ACOXL: variants seen among roughly 807,000 people sequenced by gnomAD.
The protein encoded by ACOXL is acyl-CoA oxidase like, also known as acyl-coenzyme A oxidase-like protein.
In ACOXL, 70 loss-of-function variants were observed where a neutral mutation model predicts 71.9. The observed-to-expected ratio is 0.97, with a 90% CI of 0.80 to 1.19. The LOEUF (loss-of-function observed/expected upper bound fraction) is 1.19, where lower values mean the gene tolerates loss of function less well. Ranked by LOEUF, ACOXL falls within the 50% of genes most tolerant of loss-of-function variation. The pLI, the probability that ACOXL is intolerant of heterozygous loss-of-function variation, is 0.00. For missense variants in ACOXL, 703 were observed against 736.3 expected, an observed-to-expected ratio of 0.95 and a Z score of 0.52; for synonymous variants, 253 against 281.6, an observed-to-expected ratio of 0.90 and a Z score of 1.02.
At chr2:110,754,278 G>T (rs1559219649) in intron 1 of ACOXL, among the ~76,000 whole-genome samples, 1 of 151,930 alleles carries the variant, frequency 6.6e-6, no homozygotes, top group Non-Finnish European at 1.5e-5. Flanking sequence ...TAGCTGTGTT[G>T]CTGGGCTGGT....
chr2:110,820,415 G>A (rs1037985120), intron 9 of ACOXL, among the ~76,000 whole-genome samples: 1 of 152,150 alleles, frequency 6.6e-6, no homozygotes, highest in African/African-American at 2.4e-5. Context: ...TTTCCTCACA[G>A]ACAGGAGGGA....
intron 1 of ACOXL, among the ~76,000 whole-genome samples, chr2:110,733,405 A>G (rs1416215973): frequency 1.3e-5 from 2 of 152,058 alleles, no homozygotes; most frequent in Non-Finnish European, 2.9e-5. Context: ...TGCACTGGAG[A>G]TAGAGAGATG....
At chr2:111,047,995 C>T (rs1000985055) in intron 15 of ACOXL, among the ~76,000 whole-genome samples, 1 of 152,250 alleles carries the variant, frequency 6.6e-6, no homozygotes, top group Non-Finnish European at 1.5e-5. Flanking sequence ...TTGAAAACTA[C>T]AAACAACCTA....
chr2:110,756,902 C>CT (rs58651376), intron 1 of ACOXL, among the ~76,000 whole-genome samples: 3,559 of 152,176 alleles, frequency 0.023, 66 homozygotes, highest in East Asian at 0.055. Context: ...TTTTCTTCAG[C>CT]TTTTTTTAAA....
At chr2:110,913,524 C>T (rs564512498) in intron 11 of ACOXL, among the ~76,000 whole-genome samples, 1 of 152,154 alleles carries the variant, frequency 6.6e-6, no homozygotes, top group South Asian at 2.1e-4. Flanking sequence ...TGGTATAATT[C>T]CATTGATATG....
At chr2:111,089,144 CA>C (rs1259752744) in intron 16 of ACOXL, among the ~76,000 whole-genome samples, 1 of 152,064 alleles carries the variant, frequency 6.6e-6, no homozygotes, top group East Asian at 1.9e-4. Flanking sequence ...ACTAAAAATA[CA>C]AAAACTTAGC....
In ACOXL at chr2:110,793,755, C is replaced by T. The variant is rs1292005585; in HGVS notation, c.246+19C>T. ...ACTCCAGGTATGGTATTTTCCTCAA[C>T]ATTGGTCTTCTATGGAGAGCCTTAA... On this transcript the variant is annotated intron_variant, in intron 4 of 17. Transcript: ENST00000439055. The T allele has an allele frequency of 6.3e-7, 1 of 1,596,676 alleles. No individual in the cohort carries two copies. Among genetic ancestry groups the T allele is most frequent in the Non-Finnish European group, 8.6e-7 (1 of 1,164,324 alleles).
At chr2:110,909,555 C>G (rs1444288589) in intron 11 of ACOXL, among the ~76,000 whole-genome samples, 2 of 152,118 alleles carry the variant, frequency 1.3e-5, no homozygotes, top group Non-Finnish European at 2.9e-5. Context: ...GAGCTCCAAA[C>G]TCTGGGCCCT....
intron 17 of ACOXL, chr2:111,093,617 C>CTGGG: frequency 7.0e-7 from 1 of 1,438,660 alleles, no homozygotes; most frequent in Non-Finnish European, 9.6e-7. Context: ...GTAATCCCAG[C>CTGGG]ACTATGGGAG....
chr2:110,860,907 G>C (rs904498269), intron 10 of ACOXL, among the ~76,000 whole-genome samples: 3 of 152,226 alleles, frequency 2.0e-5, no homozygotes, highest in Non-Finnish European at 2.9e-5. Context: ...ACAGATCGGA[G>C]TCCTGCTGGA....
At chr2:110,838,521 G>GCC (rs1690736709) in intron 9 of ACOXL, among the ~76,000 whole-genome samples, 2 of 152,202 alleles carry the variant, frequency 1.3e-5, no homozygotes, top group Admixed American at 1.3e-4. Context: ...AGATCACACA[G>GCC]TTGCCTCTAC....
chr2:110,879,715 G>A (rs112229734), intron 10 of ACOXL, among the ~76,000 whole-genome samples: 1 of 152,040 alleles, frequency 6.6e-6, no homozygotes, highest in South Asian at 2.1e-4. Flanking sequence ...CACTTAGGGC[G>A]TTTTTTTGCT....
At chr2:110,934,753 C>T (rs1216542335) in intron 12 of ACOXL, among the ~76,000 whole-genome samples, 2 of 152,072 alleles carry the variant, frequency 1.3e-5, no homozygotes, top group Non-Finnish European at 2.9e-5. Flanking sequence ...TGAAAGCTAG[C>T]ATGATCATTT....
At chr2:111,001,461 A>G (rs1415600172) in intron 14 of ACOXL, among the ~76,000 whole-genome samples, 3 of 152,208 alleles carry the variant, frequency 2.0e-5, no homozygotes, top group Admixed American at 6.5e-5. Context: ...AAAAGTCAGG[A>G]TGCCTCAGAG....
chr2:111,086,211 A>G (rs1012941272), intron 16 of ACOXL, among the ~76,000 whole-genome samples: 6 of 152,236 alleles, frequency 3.9e-5, no homozygotes, highest in Non-Finnish European at 8.8e-5. Context: ...AACTCATTCT[A>G]TGAGGCTGGC....
chr2:110,798,961 T>C (rs1234562584), intron 6 of ACOXL, 53 bp from the exon 7 acceptor site: 2 of 1,548,650 alleles, frequency 1.3e-6, no homozygotes, highest in African/African-American at 2.7e-5. Context: ...TTCCAGGACA[T>C]GAGTAAAGCT....
chr2:110,923,267 A>C (rs1345383579), intron 11 of ACOXL, among the ~76,000 whole-genome samples: 1 of 152,174 alleles, frequency 6.6e-6, no homozygotes, highest in African/African-American at 2.4e-5. Context: ...TGGTTGGAGC[A>C]TGACAAAATT....
intron 14 of ACOXL, among the ~76,000 whole-genome samples, chr2:111,024,648 T>C (rs1259732026): frequency 6.6e-6 from 1 of 152,118 alleles, no homozygotes; most frequent in African/African-American, 2.4e-5. Context: ...GTGCAGCCTT[T>C]AAAACTGTTC....
At chr2:110,874,116 A>C (rs1695603291) in intron 10 of ACOXL, among the ~76,000 whole-genome samples, 2 of 152,186 alleles carry the variant, frequency 1.3e-5, no homozygotes, top group South Asian at 4.1e-4. Context: ...TTGCCTTGGG[A>C]GAGAGGGCAG....
Sources: allele counts gnomAD v4.1 joint callset (sites outside exome capture counted in the v4.1 genomes callset), GRCh38; gene constraint gnomAD v4.1.1; transcripts MANE v1.5; gene names NCBI Gene and HGNC (gene_info 2026-07-23, HGNC 2026-07-21).